Variants in RABEP1 observed in about 807,000 individuals in gnomAD.
RABEP1 encodes the protein rabaptin, RAB GTPase binding effector protein 1.
RABEP1 carries 51 observed loss-of-function variants against 123.4 expected under a neutral mutation model. The observed-to-expected ratio is 0.41, with a 90% confidence interval of 0.33 to 0.52. The LOEUF (loss-of-function observed/expected upper bound fraction) is 0.52. Ranked by LOEUF, RABEP1 falls within the 20% of genes least tolerant of loss-of-function variation. The pLI, the probability that RABEP1 is intolerant of heterozygous loss-of-function variation, is 0.16. For missense variants in RABEP1, 888 were observed against 996.3 expected (o/e 0.89, Z 1.46); for synonymous variants, 347 against 355.2 (o/e 0.98, Z 0.26).
intron 5 of RABEP1, among the ~76,000 whole-genome samples, chr17:5,339,258 C>T (rs1314202799): frequency 6.6e-6 from 1 of 152,032 alleles, no homozygotes; most frequent in Non-Finnish European, 1.5e-5. Context: ...AAACTGATAC[C>T]TATGTTTAAA....
intron 6 of RABEP1, among the ~76,000 whole-genome samples, chr17:5,347,472 T>C (rs1162983607): frequency 6.6e-6 from 1 of 152,018 alleles, no homozygotes; most frequent in Admixed American, 6.6e-5. Context: ...AGGCGTGAGC[T>C]CTGGGCAGAG....
chr17:5,360,422 C>T (rs956937060), intron 8 of RABEP1, among the ~76,000 whole-genome samples: 8 of 152,256 alleles, frequency 5.3e-5, no homozygotes, highest in African/African-American at 1.4e-4. Context: ...ATTAGCCGGG[C>T]GAGGTGGCGG....
In RABEP1 at chr17:5,308,731, T is replaced by G; in HGVS notation, c.72T>G (p.Ile24Met). 1.2e-6 allele frequency: 2 copies of G among 1,612,802 alleles called. No individual in the cohort carries two copies. The highest frequency in any genetic ancestry group is 1.7e-6 in the Non-Finnish European group (2 of 1,179,532). Residue 24 changes from isoleucine to methionine, a missense_variant, in exon 2 of 18, where the codon ATT becomes ATG. Transcript: ENST00000537505. ...AACGGGTAGCAGAATTGGAAAAAAT[T>G]AATGCAGAATTTTTACGTGCACAAC... is the stretch of plus-strand genomic sequence containing the variant. ...LQQRVAELEK[I>M]NAEFLRAQQQ...
intron 2 of RABEP1, among the ~76,000 whole-genome samples, chr17:5,319,816 A>AG (rs2075335818): frequency 6.6e-6 from 1 of 152,212 alleles, no homozygotes; most frequent in African/African-American, 2.4e-5. Context: ...CCTTGAAGAC[A>AG]GGCTGTTTGA....
At chr17:5,379,051 G>A (rs565140526) in intron 15 of RABEP1, among the ~76,000 whole-genome samples, 1 of 152,258 alleles carries the variant, frequency 6.6e-6, no homozygotes, top group East Asian at 1.9e-4. Context: ...CAAGCTGCCA[G>A]ATGGGCCTCC....
At chr17:5,337,386 T>A (rs182676438) in intron 4 of RABEP1, among the ~76,000 whole-genome samples, 2 of 152,292 alleles carry the variant, frequency 1.3e-5, no homozygotes, top group East Asian at 3.9e-4. Flanking sequence ...CCAGGAATTT[T>A]AAAAATTATT....
intron 15 of RABEP1, among the ~76,000 whole-genome samples, chr17:5,379,146 A>C (rs1271461138): frequency 1.3e-5 from 2 of 152,076 alleles, no homozygotes; most frequent in Admixed American, 1.3e-4. Context: ...ACCTCACCTC[A>C]GCCCCCTCAC....
chr17:5,286,146 C>A (rs565823830), intron 1 of RABEP1, among the ~76,000 whole-genome samples: 1 of 152,116 alleles, frequency 6.6e-6, no homozygotes, highest in African/African-American at 2.4e-5. Flanking sequence ...CCCTGTAATC[C>A]TACAAGCTCT....
chr17:5,329,048 GAGA>G (rs1906264969), intron 2 of RABEP1, among the ~76,000 whole-genome samples: 1 of 111,902 alleles, frequency 8.9e-6, no homozygotes. Context: ...TTGTCAATTG[GAGA>G]AGTTTTACCA....
intron 2 of RABEP1, among the ~76,000 whole-genome samples, chr17:5,316,071 C>T (rs2075292142): frequency 6.6e-6 from 1 of 152,096 alleles, no homozygotes; most frequent in African/African-American, 2.4e-5. Context: ...ATTTTATATG[C>T]TGCTAAATTA....
intron 7 of RABEP1, 57 bp from the exon 8 acceptor site, chr17:5,354,302 G>A (rs1451559196): frequency 6.8e-7 from 1 of 1,470,108 alleles, no homozygotes; most frequent in African/African-American, 1.4e-5. Context: ...TTAAAGAACT[G>A]TGTCACTTAT....
intron 2 of RABEP1, among the ~76,000 whole-genome samples, chr17:5,322,891 A>G (rs1004338409): frequency 6.6e-6 from 1 of 152,170 alleles, no homozygotes; most frequent in Non-Finnish European, 1.5e-5. Context: ...CCTGGCCAAC[A>G]TGGTGAAACT....
At chr17:5,301,321 A>C (rs1438529550) in intron 1 of RABEP1, among the ~76,000 whole-genome samples, 1 of 152,196 alleles carries the variant, frequency 6.6e-6, no homozygotes, top group East Asian at 1.9e-4. Context: ...AGGCTGGGTC[A>C]CATGCCTGCA....
At chr17:5,380,915 GAC>G (rs1597303334) in intron 16 of RABEP1, among the ~76,000 whole-genome samples, 1 of 152,344 alleles carries the variant, frequency 6.6e-6, no homozygotes, top group East Asian at 1.9e-4. Flanking sequence ...TGAAAGTGCA[GAC>G]AGTGTTGCTG....
intron 11 of RABEP1, among the ~76,000 whole-genome samples, chr17:5,367,406 G>A (rs567051587): frequency 1.4e-4 from 21 of 151,094 alleles, no homozygotes; most frequent in South Asian, 4.2e-4. Flanking sequence ...TGAGTAGCTG[G>A]GACTACAGGC....
intron 6 of RABEP1, among the ~76,000 whole-genome samples, chr17:5,349,368 G>A (rs1396559777): frequency 2.0e-5 from 3 of 152,160 alleles, no homozygotes. Context: ...AGAGAAGGCC[G>A]AGTTAGCAGG....
In RABEP1 at chr17:5,294,804, C is replaced by T. The variant is rs1196041032; in HGVS notation, c.34+12284C>T. 5.3e-5 allele frequency among the ~76,000 whole-genome samples: 8 copies of T among 151,228 alleles called. No individual in the cohort carries two copies. In the East Asian group the frequency reaches 1.0e-3, roughly 19 times the overall value. ...CTGGGACTACAGGCGCCTGCCACCA[C>T]GCCAGGCTAATTTTTGTATTTTTAG... On this transcript the variant is annotated intron_variant, in intron 1 of 17. Coordinates refer to ENST00000537505, the MANE Select transcript of RABEP1 (RefSeq NM_004703.6).
chr17:5,334,324 C>T lies in RABEP1; in HGVS notation c.368-860C>T, dbSNP rs1403560764. Among the ~76,000 whole-genome samples the T allele has an allele frequency of 3.9e-5, 6 of 151,922 alleles. No individual in the cohort carries two copies. The South Asian group carries it at 6.2e-4, about 16-fold the overall frequency. On this transcript the variant is annotated intron_variant, in intron 3 of 17. Coordinates refer to ENST00000537505, the MANE Select transcript of RABEP1 (RefSeq NM_004703.6). ...TCGGCTCACTGCAACCTCTGCCTCC[C>T]GGGTTCACGTGATTCTCCTGCCTCA...
At chr17:5,287,603 A>C (rs1334279483) in intron 1 of RABEP1, among the ~76,000 whole-genome samples, 1 of 100,518 alleles carries the variant, frequency 9.9e-6, no homozygotes, top group Non-Finnish European at 2.1e-5. Flanking sequence ...TGTCGCAAAA[A>C]AAAAAAAAAA....
Sources: gnomAD v4.1 joint callset for allele counts (sites outside exome capture counted in the v4.1 genomes callset) on GRCh38, gnomAD v4.1.1 for gene constraint, MANE v1.5 for transcripts, NCBI Gene and HGNC (gene_info 2026-07-23, HGNC 2026-07-21) for gene names.